Variants in MECOM observed in about 807,000 individuals in gnomAD.
The protein encoded by MECOM is MDS1 and EVI1 complex locus.
Under a neutral mutation model 116.3 loss-of-function variants are expected in MECOM, and 13 were observed. The observed-to-expected ratio is 0.11, with a 90% CI of 0.07 to 0.18. The LOEUF (loss-of-function observed/expected upper bound fraction) is 0.18, where lower values mean the gene tolerates loss of function less well. MECOM is among the 10% of genes least tolerant of loss of function. The pLI, the probability that MECOM is intolerant of heterozygous loss-of-function variation, is 1.00. For missense variants in MECOM, 1,299 were observed against 1,509.0 expected (o/e 0.86, Z 2.31); for synonymous variants, 528 against 535.2 (o/e 0.99, Z 0.19).
intron 2 of MECOM, among the ~76,000 whole-genome samples, chr3:169,250,813 G>A (rs920269437): frequency 1.3e-5 from 2 of 152,162 alleles, no homozygotes; most frequent in African/African-American, 4.8e-5. Context: ...TTACATATCT[G>A]TACAAAGATT....
intron 2 of MECOM, among the ~76,000 whole-genome samples, chr3:169,311,623 TG>T (rs1291942670): frequency 6.6e-6 from 1 of 152,220 alleles, no homozygotes; most frequent in Non-Finnish European, 1.5e-5. Context: ...ATCTGGTTCC[TG>T]GTCTTTTTGA....
chr3:169,406,413 G>A (rs1736699405), intron 1 of MECOM, among the ~76,000 whole-genome samples: 2 of 152,144 alleles, frequency 1.3e-5, no homozygotes, highest in South Asian at 4.2e-4. Context: ...CAATCTCTAT[G>A]TGATTGTGGA....
At chr3:169,324,106 T>A (rs904965098) in intron 2 of MECOM, among the ~76,000 whole-genome samples, 1 of 152,176 alleles carries the variant, frequency 6.6e-6, no homozygotes, top group Non-Finnish European at 1.5e-5. Context: ...AAGGATTTTA[T>A]TTCACCAGAG....
chr3:169,433,090 G>A lies in MECOM; in HGVS notation c.38-51566C>T, dbSNP rs16853727. On this transcript the variant is annotated intron_variant, in intron 1 of 16. Transcript: ENST00000651503. ...GTAAGATATAAAAGTTTATAGAAAC[G>A]GTGAGACCCAATTGTGGAAAATTCA... Among the ~76,000 whole-genome samples, 532 of 152,194 alleles carry A rather than the reference G, an allele frequency of 3.5e-3. 7 individuals carry two copies. The East Asian group carries it at 0.048, about 14-fold the overall frequency.
intron 2 of MECOM, among the ~76,000 whole-genome samples, chr3:169,165,609 T>C (rs1036224156): frequency 7.9e-5 from 12 of 152,224 alleles, no homozygotes; most frequent in Admixed American, 2.6e-4. Context: ...AAACACTTTA[T>C]GTACCATACG....
intron 2 of MECOM, among the ~76,000 whole-genome samples, chr3:169,244,930 A>G (rs1202778832): frequency 2.0e-5 from 3 of 152,238 alleles, no homozygotes; most frequent in Admixed American, 2.0e-4. Flanking sequence ...CAAACAGTTG[A>G]TACATACAAC....
At chr3:169,584,751 G>A (rs953222790) in intron 1 of MECOM, among the ~76,000 whole-genome samples, 17 of 152,148 alleles carry the variant, frequency 1.1e-4, no homozygotes, top group Admixed American at 3.3e-4. Flanking sequence ...TTTGGCAGCT[G>A]AGAAATCATC....
intron 2 of MECOM, among the ~76,000 whole-genome samples, chr3:169,322,473 G>A (rs116492316): frequency 0.011 from 1,603 of 152,186 alleles, 11 homozygotes; most frequent in East Asian, 0.044. Context: ...TAGGTGTAAA[G>A]AACTCCTTCA....
intron 1 of MECOM, among the ~76,000 whole-genome samples, chr3:169,538,995 T>C (rs1759731789): frequency 6.6e-6 from 1 of 151,872 alleles, no homozygotes; most frequent in South Asian, 2.1e-4. Flanking sequence ...TTTCAGAATT[T>C]GCATTTTCAC....
At chr3:169,574,759 G>A (rs1396571002) in intron 1 of MECOM, among the ~76,000 whole-genome samples, 1 of 151,794 alleles carries the variant, frequency 6.6e-6, no homozygotes, top group South Asian at 2.1e-4. Context: ...CGGAGGTTAA[G>A]TCCTAACCTT....
chr3:169,089,263 A>G (rs1396993846), intron 15 of MECOM, 80 bp from the exon 16 acceptor site: 1 of 1,074,252 alleles, frequency 9.3e-7, no homozygotes, highest in African/African-American at 1.6e-5. Flanking sequence ...GAATCTATCT[A>G]TACAACTGAC....
chr3:169,618,489 C>T (rs1770288728), intron 1 of MECOM, among the ~76,000 whole-genome samples: 1 of 152,078 alleles, frequency 6.6e-6, no homozygotes. Flanking sequence ...AACCCCGTCT[C>T]TACTAAAAAC....
At chr3:169,285,979 A>T (rs561996746) in intron 2 of MECOM, among the ~76,000 whole-genome samples, 1 of 152,336 alleles carries the variant, frequency 6.6e-6, no homozygotes, top group Non-Finnish European at 1.5e-5. Context: ...GCATTTGAAA[A>T]AGCCCTTGCC....
At chr3:169,423,479 T>C (rs1000123290) in intron 1 of MECOM, among the ~76,000 whole-genome samples, 10 of 152,134 alleles carry the variant, frequency 6.6e-5, no homozygotes, top group African/African-American at 9.7e-5. Flanking sequence ...AAGGGGAAAC[T>C]GTATAGAATT....
chr3:169,663,338 G>T lies in MECOM; in HGVS notation c.35C>A (p.Thr12Lys), dbSNP rs759668706. Residue 12 changes from threonine to lysine, a missense_variant and splice_region_variant, in exon 1 of 17, where the codon ACA becomes AAA. By Grantham distance (78) the Thr-to-Lys change is moderately conservative (BLOSUM62 -1). This residue lies in a region of MECOM where 374 missense variants were observed against 433.4 expected (regional missense o/e 0.86). Transcript: ENST00000651503. ...TAGAAAAGGGATATTGCACCTACTTGTGGCCAGTTTCCTTGCCCTGCCTTT... is the reference window on the plus strand; with the variant it reads ...TAGAAAAGGGATATTGCACCTACTTTTGGCCAGTTTCCTTGCCCTGCCTTT... ...RSKGRARKLA[T>K]NNECVYGNYP... 1.8e-5 allele frequency: 29 copies of T among 1,609,798 alleles called. 1 individual carries two copies. The South Asian group carries it at 3.2e-4, about 18-fold the overall frequency.
intron 1 of MECOM, among the ~76,000 whole-genome samples, chr3:169,392,477 C>T (rs527801019): frequency 1.3e-5 from 2 of 152,264 alleles, no homozygotes; most frequent in East Asian, 3.9e-4. Flanking sequence ...ACTGCTCAGA[C>T]TTGAATTCAT....
intron 2 of MECOM, among the ~76,000 whole-genome samples, chr3:169,265,092 C>G: frequency 6.6e-6 from 1 of 152,040 alleles, no homozygotes. Context: ...TAAATCAACC[C>G]GAATTTGAAG....
rs369363004 is a variant in MECOM at position 169,381,374 on chromosome 3, G to C, written c.188C>G (p.Pro63Arg). 168 of 1,613,778 alleles carry C rather than the reference G, an allele frequency of 1.0e-4. 2 individuals are homozygous for C. In the Middle Eastern group the frequency reaches 1.3e-3, roughly 13 times the overall value. ...SEAFTPKEGSPYKAPIYIPDD... is the reference protein window; with the variant it reads ...SEAFTPKEGSRYKAPIYIPDD... ...AGGGATGTAGATGGGGGCTTTGTAA[G>C]GAGAACCCTCCTTTGGAGTGAATGC... The change falls in exon 2 of 17, where the codon CCT (proline) becomes CGT (arginine). Residue 63 changes from proline to arginine, a missense_variant. Pro to Arg is a moderately radical substitution (Grantham distance 103). This residue lies in a region of MECOM where 374 missense variants were observed against 433.4 expected (regional missense o/e 0.86). Transcript: ENST00000651503.
chr3:169,463,336 G>A (rs113938571), intron 1 of MECOM, among the ~76,000 whole-genome samples: 3 of 152,212 alleles, frequency 2.0e-5, no homozygotes, highest in South Asian at 4.1e-4. Context: ...GGCATACTTA[G>A]TTTGTTGTTC....
Sources: allele counts gnomAD v4.1 joint callset (sites outside exome capture counted in the v4.1 genomes callset), GRCh38; gene constraint gnomAD v4.1.1; regional missense constraint gnomAD v4.1.1; transcripts MANE v1.5; gene names NCBI Gene and HGNC (gene_info 2026-07-23, HGNC 2026-07-21).